Variants in CHL1 observed in about 807,000 individuals in gnomAD.
CHL1 encodes the protein neural cell adhesion molecule L1-like protein.
Under a neutral mutation model 141.9 loss-of-function variants are expected in CHL1, and 96 were observed. That is an observed-to-expected ratio of 0.68 (90% CI 0.57 to 0.80). The LOEUF is 0.80. Among genes scored for constraint, CHL1 ranks in the 30% least tolerant of loss-of-function variants. CHL1 has a pLI of 0.00. For synonymous variants in CHL1, 613 were observed against 502.2 expected (o/e 1.22, Z -2.95); for missense variants, 1,820 against 1,457.2 (o/e 1.25, Z -4.05).
chr3:283,776 G>T (rs1055149909), intron 2 of CHL1, among the ~76,000 whole-genome samples: 2 of 152,184 alleles, frequency 1.3e-5, no homozygotes, highest in Admixed American at 1.3e-4. Context: ...TCTCCCAATT[G>T]TAACAACCAA....
intron 18 of CHL1, 50 bp downstream of exon 18, chr3:382,721 A>G (rs572891841): frequency 1.4e-6 from 2 of 1,456,470 alleles, no homozygotes; most frequent in South Asian, 1.1e-5. Context: ...GTTTGTCCCC[A>G]TCTTTGAACA....
At chr3:389,894 G>A (rs1708080506) in intron 20 of CHL1, among the ~76,000 whole-genome samples, 1 of 152,062 alleles carries the variant, frequency 6.6e-6, no homozygotes, top group African/African-American at 2.4e-5. Context: ...TCCTAATACT[G>A]ATGAGATATA....
At chr3:321,837 T>C (rs1163755427) in intron 3 of CHL1, among the ~76,000 whole-genome samples, 1 of 152,078 alleles carries the variant, frequency 6.6e-6, no homozygotes, top group Non-Finnish European at 1.5e-5. Context: ...ATATCCAATT[T>C]GAATGTCAAG....
chr3:227,407 A>T (rs1574774354), intron 1 of CHL1, among the ~76,000 whole-genome samples: 4 of 152,324 alleles, frequency 2.6e-5, no homozygotes, highest in Admixed American at 2.6e-4. Context: ...CAAAAGAGGG[A>T]AGACAAACAT....
At chr3:328,503 AG>A in intron 5 of CHL1, 149 bp downstream of exon 5, 1 of 555,572 alleles carries the variant, frequency 1.8e-6, no homozygotes, top group Non-Finnish European at 2.9e-6. Context: ...AATTTCCTCC[AG>A]GTCTTGATAC....
chr3:383,283 A>C (rs961751871), intron 18 of CHL1, among the ~76,000 whole-genome samples: 5 of 152,212 alleles, frequency 3.3e-5, no homozygotes, highest in Non-Finnish European at 7.4e-5. Context: ...CTTTGCACTA[A>C]ACTCCACATT....
At chr3:243,188 G>C (rs1027752534) in intron 1 of CHL1, among the ~76,000 whole-genome samples, 1 of 152,162 alleles carries the variant, frequency 6.6e-6, no homozygotes, top group African/African-American at 2.4e-5. Flanking sequence ...ATCTCATTTT[G>C]AGTCAACAAA....
At chr3:249,457 T>C (rs902506879) in intron 2 of CHL1, among the ~76,000 whole-genome samples, 1 of 152,166 alleles carries the variant, frequency 6.6e-6, no homozygotes, top group South Asian at 2.1e-4. Flanking sequence ...CCCTGTGCAA[T>C]GTAATCTACC....
At chr3:225,897 T>C (rs565117460) in intron 1 of CHL1, among the ~76,000 whole-genome samples, 87 of 151,476 alleles carry the variant, frequency 5.7e-4, no homozygotes, top group African/African-American at 2.0e-3. Context: ...TAGTCCCAGC[T>C]ACTCGGGGGG....
At chr3:264,925 G>A (rs931309340) in intron 2 of CHL1, among the ~76,000 whole-genome samples, 1 of 152,200 alleles carries the variant, frequency 6.6e-6, no homozygotes, top group Non-Finnish European at 1.5e-5. Flanking sequence ...TTGAACACTA[G>A]GAAAGAACTA....
chr3:343,147 A>G (rs1342048060), intron 8 of CHL1, 116 bp downstream of exon 8: 29 of 754,624 alleles, frequency 3.8e-5, no homozygotes, highest in Non-Finnish European at 5.8e-5. Context: ...ATTATGAAAA[A>G]CATCTGAACT....
chr3:213,034 G>C (rs1166952389), intron 1 of CHL1, among the ~76,000 whole-genome samples: 1 of 152,160 alleles, frequency 6.6e-6, no homozygotes, highest in African/African-American at 2.4e-5. Context: ...AAGAGCAAAC[G>C]TTACTATGAT....
chr3:393,765 G>T (rs545286926), intron 23 of CHL1, among the ~76,000 whole-genome samples: 1 of 152,078 alleles, frequency 6.6e-6, no homozygotes, highest in South Asian at 2.1e-4. Flanking sequence ...ACAATTATGT[G>T]TTCAAAAAAT....
rs575195747 is a variant in CHL1, at chr3:328,193, C to A, written c.224C>A (p.Pro75His). 1 of 1,604,062 alleles carries A rather than the reference C, an allele frequency of 6.2e-7. No homozygotes were observed. Among genetic ancestry groups the A allele is most frequent in the Non-Finnish European group, 8.5e-7 (1 of 1,174,670 alleles). The change falls in exon 5 of 28, where the codon CCT becomes CAT. Residue 75 changes from proline to histidine, a missense_variant. Transcript: ENST00000256509. ...TTTTCGTGGACTAAGGATGGCAACC[C>A]TTTTTATTTCACTGACCATCGGATA... ...PTFSWTKDGN[P>H]FYFTDHRIIP...
intron 2 of CHL1, among the ~76,000 whole-genome samples, chr3:295,777 T>C (rs1489843897): frequency 6.6e-6 from 1 of 152,246 alleles, no homozygotes; most frequent in Non-Finnish European, 1.5e-5. Context: ...TTTTCTTTTG[T>C]ACTTCCGTTA....
chr3:348,760 C>T (rs140718800), intron 9 of CHL1, among the ~76,000 whole-genome samples: 26 of 152,292 alleles, frequency 1.7e-4, no homozygotes, highest in Admixed American at 2.6e-4. Context: ...CCGACAAGGG[C>T]GAGAACGTGA....
At chr3:232,486 T>G (rs1218257542) in intron 1 of CHL1, among the ~76,000 whole-genome samples, 1 of 152,198 alleles carries the variant, frequency 6.6e-6, no homozygotes, top group Non-Finnish European at 1.5e-5. Flanking sequence ...AACGTTTTAC[T>G]ATGCCCCTTT....
intron 2 of CHL1, among the ~76,000 whole-genome samples, chr3:296,497 GA>G (rs1698198939): frequency 2.0e-5 from 3 of 151,724 alleles, no homozygotes; most frequent in African/African-American, 7.3e-5. Flanking sequence ...CATGAATTTA[GA>G]ACCACGGTCG....
At chr3:390,360 AT>A (rs890022253) in intron 20 of CHL1, among the ~76,000 whole-genome samples, 34 of 152,216 alleles carry the variant, frequency 2.2e-4, no homozygotes, top group African/African-American at 8.0e-4. Context: ...TGTTATTAAT[AT>A]TTGATTAACA....
Sources: allele counts gnomAD v4.1 joint callset (sites outside exome capture counted in the v4.1 genomes callset), GRCh38; gene constraint gnomAD v4.1.1; transcripts MANE v1.5; gene names NCBI Gene and HGNC (gene_info 2026-07-23, HGNC 2026-07-21).